Variants in CLIC2 observed in about 807,000 individuals in gnomAD.
CLIC2 encodes the protein chloride intracellular channel protein 2.
A neutral mutation model predicts 14.8 loss-of-function variants in CLIC2; 9 were observed. That is an observed-to-expected ratio of 0.61 (90% CI 0.37 to 1.06). The LOEUF is 1.06. Among genes scored for constraint, CLIC2 ranks in the 50% least tolerant of loss-of-function variants. CLIC2 has a pLI of 0.01. For synonymous variants in CLIC2, 61 were observed against 66.3 expected (o/e 0.92, Z 0.39); for missense variants, 148 against 181.4 (o/e 0.82, Z 1.06).
At chrX:155,289,121 G>T (rs1414748526) in intron 3 of CLIC2, among the ~76,000 whole-genome samples, 2 of 108,095 alleles carry the variant, frequency 1.9e-5, no homozygotes. Flanking sequence ...TCCAGCCTGG[G>T]CAACAAGAGC....
Position 155,279,267 on chromosome X carries a change from A to T in CLIC2, c.464T>A (p.Leu155Gln). ...RLDDYLNTPL[L>Q]DEIDPDSAEE... ...AGCACTGTCTGGATCAATTTCATCCAGAAGTGGGGTGTTTAAGTAGTCATC... is the reference window on the plus strand; with the variant it reads ...AGCACTGTCTGGATCAATTTCATCCTGAAGTGGGGTGTTTAAGTAGTCATC... The change falls in exon 5 of 6, where the codon CTG (leucine) becomes CAG (glutamine). Residue 155 changes from leucine (L) to glutamine (Q), a missense_variant. Transcript: ENST00000369449. 4.1e-6 allele frequency: 5 copies of T among 1,210,283 alleles called. No individual in the cohort carries two copies. The highest frequency in any genetic ancestry group is 4.5e-6 in the Non-Finnish European group (4 of 893,866).
At chrX:155,309,574 T>C in intron 1 of CLIC2, 1 of 283,115 alleles carries the variant, frequency 3.5e-6, no homozygotes, top group Non-Finnish European at 6.7e-6. Context: ...GGACTCACAG[T>C]TCCACGTGGC....
At chrX:155,278,940 G>GAA (rs370722843) in intron 5 of CLIC2, 93 of 394,352 alleles carry the variant, frequency 2.4e-4, no homozygotes, top group African/African-American at 2.2e-3. Flanking sequence ...TCTCAAAAAA[G>GAA]AAAAAAAAAG....
Position 155,277,005 on chromosome X carries a change from G to A in CLIC2, c.*898C>T, listed in dbSNP as rs1253918472. 1 of 112,254 alleles carries A rather than the reference G, an allele frequency of 8.9e-6. No homozygotes were observed. Among genetic ancestry groups the A allele is most frequent in the African/African-American group, 3.2e-5 (1 of 30,931 alleles). The allele number at this position is 112,254 out of a possible 1,213,427, so 9.3% of individuals were successfully genotyped here. A position where few individuals can be genotyped will look rare whatever the true frequency, so the allele number is the denominator to read the frequency against. On this transcript the variant is annotated 3_prime_UTR_variant, in exon 6 of 6. Coordinates refer to ENST00000369449, the MANE Select transcript of CLIC2 (RefSeq NM_001289.6). ...GTGTTTCTCTTTTGAGGGAGCAAGA[G>A]TTAAGTTCAGCTTTTGTTTCCAGAT...
chrX:155,288,667 T>G (rs2074951691), intron 3 of CLIC2, among the ~76,000 whole-genome samples: 1 of 111,580 alleles, frequency 9.0e-6, no homozygotes, highest in African/African-American at 3.3e-5. Flanking sequence ...TGCAACATTA[T>G]TGTCAATTAT....
At chrX:155,286,118 C>A (rs781834597) in intron 3 of CLIC2, among the ~76,000 whole-genome samples, 1 of 112,083 alleles carries the variant, frequency 8.9e-6, no homozygotes, top group South Asian at 3.7e-4. Flanking sequence ...TTTTCTGCTC[C>A]TTTCCCTCCT....
rs1400946013 is a variant in CLIC2, at chrX:155,276,751, AC to A, written c.*1151del. ...GCATGTATTCTGAAATATACTGATG[AC>A]AGGATGTATCTCAAAGATTATCAAC... On this transcript the variant is annotated 3_prime_UTR_variant, in exon 6 of 6. Transcript: ENST00000369449. The A allele has an allele frequency of 8.9e-6, 1 of 112,357 alleles. No homozygotes were observed. The highest frequency in any genetic ancestry group is 1.9e-5 in the Non-Finnish European group (1 of 53,215). The allele number at this position is 112,357 out of a possible 1,213,427, so 9.3% of individuals were successfully genotyped here.
At chrX:155,320,022 G>A (rs1557321458) in intron 1 of CLIC2, among the ~76,000 whole-genome samples, 1 of 112,586 alleles carries the variant, frequency 8.9e-6, no homozygotes, top group African/African-American at 3.2e-5. Flanking sequence ...TCCTCCCTCT[G>A]GGCAGGGCAT....
At chrX:155,279,493 A>T (rs1557316186) in intron 4 of CLIC2, among the ~76,000 whole-genome samples, 163 bp from the exon 5 acceptor site, 1 of 112,365 alleles carries the variant, frequency 8.9e-6, no homozygotes. Context: ...CTACTCACTG[A>T]TAAGACAAAG....
intron 1 of CLIC2, among the ~76,000 whole-genome samples, chrX:155,315,333 A>C (rs2124203299): frequency 8.9e-6 from 1 of 112,310 alleles, no homozygotes; most frequent in Non-Finnish European, 1.9e-5. Flanking sequence ...CAAGACAAAC[A>C]AAATAATCTT....
At chrX:155,290,560 A>G in intron 3 of CLIC2, 1 of 594,435 alleles carries the variant, frequency 1.7e-6, no homozygotes, top group South Asian at 2.2e-5. Context: ...GGGCTCTTGC[A>G]GCTAGAATAC....
intron 1 of CLIC2, among the ~76,000 whole-genome samples, chrX:155,304,675 A>G (rs782507758): frequency 2.0e-5 from 2 of 101,597 alleles, no homozygotes; most frequent in Non-Finnish European, 4.0e-5. Context: ...TAGAGTTTCC[A>G]GTTTTTCTGT....
chrX:155,305,075 A>C (rs1469751095), intron 1 of CLIC2, among the ~76,000 whole-genome samples: 1 of 112,368 alleles, frequency 8.9e-6, no homozygotes, highest in Non-Finnish European at 1.9e-5. Context: ...CTACAGAGGC[A>C]GGCAGACCTC....
At chrX:155,279,365 G>A (rs2074910189) in intron 4 of CLIC2, 35 bp from the exon 5 acceptor site, 3 of 1,060,891 alleles carry the variant, frequency 2.8e-6, no homozygotes, top group Admixed American at 2.2e-5. Context: ...ACTTGTAAAT[G>A]TATTGTCTTT....
intron 1 of CLIC2, among the ~76,000 whole-genome samples, chrX:155,323,642 C>T (rs2075125754): frequency 8.9e-6 from 1 of 112,094 alleles, no homozygotes; most frequent in South Asian, 3.7e-4. Context: ...TGCCCTCTCT[C>T]ACCACTCCTA....
At chrX:155,297,236 C>T (rs781907643) in intron 3 of CLIC2, among the ~76,000 whole-genome samples, 4 of 110,910 alleles carry the variant, frequency 3.6e-5, no homozygotes, top group Non-Finnish European at 7.6e-5. Flanking sequence ...CATGTTCTCA[C>T]TTATATGTGG....
chrX:155,290,571 A>G, intron 3 of CLIC2: 2 of 612,168 alleles, frequency 3.3e-6, no homozygotes, highest in Non-Finnish European at 2.9e-6. Flanking sequence ...GCTAGAATAC[A>G]GCATCCGTTC....
chrX:155,327,816 C>A (rs1363826937), intron 1 of CLIC2, among the ~76,000 whole-genome samples: 6 of 111,365 alleles, frequency 5.4e-5, no homozygotes, highest in African/African-American at 1.3e-4. Flanking sequence ...TTATCATGAC[C>A]AAGTGCAATT....
chrX:155,279,364 T>G, intron 4 of CLIC2, 34 bp from the exon 5 acceptor site: 2 of 1,070,791 alleles, frequency 1.9e-6, no homozygotes, highest in South Asian at 1.9e-5. Flanking sequence ...TACTTGTAAA[T>G]GTATTGTCTT....
Sources: allele counts gnomAD v4.1 joint callset (sites outside exome capture counted in the v4.1 genomes callset), GRCh38; gene constraint gnomAD v4.1.1; transcripts MANE v1.5; gene names NCBI Gene and HGNC (gene_info 2026-07-23, HGNC 2026-07-21).